SPON1: variants seen among roughly 807,000 people sequenced by gnomAD.
The protein encoded by SPON1 is spondin 1.
A neutral mutation model predicts 111.7 loss-of-function variants in SPON1; 52 were observed. The observed-to-expected ratio is 0.47, with a 90% CI of 0.37 to 0.59. SPON1 has a LOEUF of 0.59. Among genes scored for constraint, SPON1 ranks in the 20% least tolerant of loss-of-function variants. The pLI, the probability that SPON1 is intolerant of heterozygous loss-of-function variation, is 0.00. For synonymous variants in SPON1, 410 were observed against 395.8 expected, an observed-to-expected ratio of 1.04 and a Z score of -0.43; for missense variants, 957 against 1,068.5, an observed-to-expected ratio of 0.90 and a Z score of 1.46.
chr11:14,037,111 T>A (rs1009098393), intron 2 of SPON1, among the ~76,000 whole-genome samples: 103 of 152,230 alleles, frequency 6.8e-4, no homozygotes, highest in Admixed American at 1.1e-3. Context: ...GCTTTTTTTT[T>A]AATTTTATTA....
intron 2 of SPON1, among the ~76,000 whole-genome samples, chr11:14,010,180 G>A (rs1848393250): frequency 2.6e-5 from 4 of 152,146 alleles, no homozygotes; most frequent in Non-Finnish European, 4.4e-5. Flanking sequence ...ATGTTGGAGG[G>A]CCCCACAGCT....
At chr11:14,018,188 T>C in intron 2 of SPON1, among the ~76,000 whole-genome samples, 1 of 152,202 alleles carries the variant, frequency 6.6e-6, no homozygotes, top group Non-Finnish European at 1.5e-5. Context: ...ATATAATCCA[T>C]TTACAAGTAG....
intron 5 of SPON1, among the ~76,000 whole-genome samples, chr11:14,113,628 A>G (rs1849244010): frequency 1.1e-5 from 1 of 92,396 alleles, no homozygotes; most frequent in Non-Finnish European, 2.0e-5. Flanking sequence ...TTTGAGACGG[A>G]GTCTCGCTCT....
At chr11:14,081,413 T>C (rs1848961150) in intron 5 of SPON1, among the ~76,000 whole-genome samples, 1 of 152,150 alleles carries the variant, frequency 6.6e-6, no homozygotes, top group Non-Finnish European at 1.5e-5. Flanking sequence ...TCTACATATG[T>C]TATAGTGTTT....
At chr11:14,026,948 A>T (rs116436130) in intron 2 of SPON1, among the ~76,000 whole-genome samples, 2,711 of 152,192 alleles carry the variant, frequency 0.018, 90 homozygotes, top group African/African-American at 0.063. Flanking sequence ...ATTTGTCCAC[A>T]CTTACCAGTA....
chr11:14,063,445 TC>T (rs1554920069), intron 3 of SPON1, among the ~76,000 whole-genome samples: 1 of 152,188 alleles, frequency 6.6e-6, no homozygotes, highest in Non-Finnish European at 1.5e-5. Context: ...CTCCCACTCT[TC>T]CTTTCTTCCT....
Position 14,259,301 on chromosome 11 carries a change from C to T in SPON1, c.1514C>T (p.Ser505Phe), listed in dbSNP as rs1554941594. 2 of 1,612,498 alleles carry T rather than the reference C, an allele frequency of 1.2e-6. No homozygotes were observed. Among genetic ancestry groups the T allele is most frequent in the African/African-American group, 2.7e-5 (2 of 74,908 alleles). The change falls in exon 12 of 16, where the codon TCC becomes TTC. Residue 505 changes from serine to phenylalanine, a missense_variant. Coordinates refer to ENST00000576479, the MANE Select transcript of SPON1 (RefSeq NM_006108.4). This position sits in a 1 kb window ranked among gnomAD's most constrained non-coding sequence, Gnocchi z 5.0. ...SDEDGSTCTMSEWITWSPCSI... is the reference protein window; with the variant it reads ...SDEDGSTCTMFEWITWSPCSI... ...GCAGACGGCTCCACCTGCACCATGTCCGAGTGGATCACCTGGTCGCCCTGC... is the reference window on the plus strand; with the variant it reads ...GCAGACGGCTCCACCTGCACCATGTTCGAGTGGATCACCTGGTCGCCCTGC...
chr11:14,051,884 C>T (rs1848710394), intron 3 of SPON1, among the ~76,000 whole-genome samples: 1 of 152,062 alleles, frequency 6.6e-6, no homozygotes, highest in Non-Finnish European at 1.5e-5. Flanking sequence ...TCATAAAAGC[C>T]CTATAGAATT....
At chr11:14,120,974 T>A (rs1254490642) in intron 5 of SPON1, among the ~76,000 whole-genome samples, 1 of 152,138 alleles carries the variant, frequency 6.6e-6, no homozygotes, top group Non-Finnish European at 1.5e-5. Context: ...CAGTAGGAGG[T>A]CCTTTTCTTC....
intron 6 of SPON1, among the ~76,000 whole-genome samples, chr11:14,239,292 A>C (rs1333612851): frequency 6.6e-6 from 1 of 152,212 alleles, no homozygotes; most frequent in Non-Finnish European, 1.5e-5. Flanking sequence ...ATTTTTGTGG[A>C]GCACCTGCTA....
chr11:14,256,788 T>G, intron 10 of SPON1, 96 bp downstream of exon 10: 1 of 909,014 alleles, frequency 1.1e-6, no homozygotes, highest in Non-Finnish European at 1.7e-6. Context: ...ATAAACCATG[T>G]GCTTTGACTT....
rs781787304 is a variant in SPON1 at position 14,265,518 on chromosome 11, T to A, written c.2261-6T>A. On this transcript the variant is annotated splice_region_variant and splice_polypyrimidine_tract_variant and intron_variant, in intron 15 of 15. Transcript: ENST00000576479. ...CGGGCCTAACAAGGCATTCTCATGCTTTCAGGTTGTAGGATGCGCCCATGG... is the reference window on the plus strand; with the variant it reads ...CGGGCCTAACAAGGCATTCTCATGCATTCAGGTTGTAGGATGCGCCCATGG... 8 of 1,611,886 alleles carry A rather than the reference T, an allele frequency of 5.0e-6. No homozygotes were observed. Among genetic ancestry groups the A allele is most frequent in the Non-Finnish European group, 6.8e-6 (8 of 1,179,076 alleles).
At chr11:14,044,343 G>A (rs1341457434) in intron 3 of SPON1, among the ~76,000 whole-genome samples, 1 of 152,166 alleles carries the variant, frequency 6.6e-6, no homozygotes, top group East Asian at 1.9e-4. Context: ...TGGACACAGT[G>A]GCTCATGCCT....
intron 2 of SPON1, among the ~76,000 whole-genome samples, chr11:14,006,329 A>G (rs1337382442): frequency 6.6e-6 from 1 of 152,152 alleles, no homozygotes; most frequent in Admixed American, 6.5e-5. Flanking sequence ...GACACCAAAG[A>G]GTTTTAGATT....
chr11:14,049,271 T>G (rs1409898258), intron 3 of SPON1, among the ~76,000 whole-genome samples: 2 of 148,798 alleles, frequency 1.3e-5, no homozygotes, highest in Non-Finnish European at 2.9e-5. Context: ...ATCTTGGCTC[T>G]TTTTTTATCA....
At chr11:14,142,657 G>A (rs782793491) in intron 6 of SPON1, among the ~76,000 whole-genome samples, 2 of 152,206 alleles carry the variant, frequency 1.3e-5, no homozygotes, top group Non-Finnish European at 2.9e-5. Flanking sequence ...CCTAGAGGCA[G>A]CCATGGAGCA....
At chr11:14,046,842 T>C (rs558518796) in intron 3 of SPON1, among the ~76,000 whole-genome samples, 13 of 152,358 alleles carry the variant, frequency 8.5e-5, no homozygotes, top group Admixed American at 3.3e-4. Flanking sequence ...CATGGAATGT[T>C]CCATATTTAT....
chr11:14,050,277 G>A (rs1848698575), intron 3 of SPON1, among the ~76,000 whole-genome samples: 1 of 152,130 alleles, frequency 6.6e-6, no homozygotes, highest in African/African-American at 2.4e-5. Flanking sequence ...CTTCATAAAG[G>A]CATAGATCAA....
At chr11:14,059,587 C>T (rs1848774866) in intron 3 of SPON1, among the ~76,000 whole-genome samples, 1 of 152,112 alleles carries the variant, frequency 6.6e-6, no homozygotes, top group Non-Finnish European at 1.5e-5. Context: ...GAGGGGCTGG[C>T]ACATGAATAT....
Sources: gnomAD v4.1 joint callset for allele counts (sites outside exome capture counted in the v4.1 genomes callset) on GRCh38, gnomAD v4.1.1 for gene constraint, Gnocchi (gnomAD v3.1) non-coding constraint, MANE v1.5 for transcripts, NCBI Gene and HGNC (gene_info 2026-07-23, HGNC 2026-07-21) for gene names.